The following INPP4A variants were observed in gnomAD, a reference collection of about 807,000 sequenced individuals.
INPP4A encodes the protein inositol polyphosphate-4-phosphatase type I A, also known as inositol polyphosphate-4-phosphatase, type I, 107kD.
A neutral mutation model predicts 119.8 loss-of-function variants in INPP4A; 33 were observed. That is an observed-to-expected ratio of 0.28 (90% CI 0.21 to 0.37). The LOEUF is 0.37. INPP4A is among the 10% of genes least tolerant of loss of function. The pLI is 1.00. For missense variants in INPP4A, 956 were observed against 1,289.9 expected, an observed-to-expected ratio of 0.74 and a Z score of 3.97; for synonymous variants, 496 against 500.7, an observed-to-expected ratio of 0.99 and a Z score of 0.12.
At chr2:98,536,279 C>A (rs1249338228) in intron 7 of INPP4A, 71 bp downstream of exon 7, 14 of 930,392 alleles carry the variant, frequency 1.5e-5, no homozygotes, top group Non-Finnish European at 2.4e-5. Flanking sequence ...GGGAAAGGAC[C>A]CACTTCTTAT....
intron 1 of INPP4A, among the ~76,000 whole-genome samples, chr2:98,451,311 G>A (rs1165525093): frequency 5.3e-5 from 8 of 152,156 alleles, no homozygotes; most frequent in South Asian, 4.1e-4. Context: ...CTCACCTGGC[G>A]AGGGACTTAG....
In INPP4A at chr2:98,552,836, G is replaced by C. The variant is rs1281122001; in HGVS notation, c.1214G>C (p.Arg405Thr). 12 of 1,613,654 alleles carry C rather than the reference G, an allele frequency of 7.4e-6. No homozygotes were observed. Among genetic ancestry groups the C allele is most frequent in the Non-Finnish European group, 1.0e-5 (12 of 1,179,798 alleles). The change falls in exon 14 of 25, where the codon AGA becomes ACA. Residue 405 changes from arginine to threonine, a missense_variant. Transcript: ENST00000409851. ...ATCTACATACCCCAGGATGTTGTCA[G>C]AGCCAAGGAGATCATCGCCCAGATC... The part of the protein sequence containing the change: ...SIIYIPQDVV[R>T]AKEIIAQINT...
chr2:98,447,707 T>G (rs546345236), intron 1 of INPP4A, among the ~76,000 whole-genome samples: 1 of 152,292 alleles, frequency 6.6e-6, no homozygotes, highest in African/African-American at 2.4e-5. Context: ...AACTGCTTAA[T>G]AGTAAGTTGC....
At position 98,520,052 on chromosome 2, in the gene INPP4A, A is replaced by T; in HGVS notation, c.4A>T (p.Thr2Ser). ...GCACATCATCACCAATGACATCATG[A>T]CAGCAAGAGAGCACAGCCCTCGCCA... is the stretch of plus-strand genomic sequence containing the variant. The part of the protein sequence containing the change: M[T>S]AREHSPRHGA... Residue 2 changes from threonine (T) to serine (S), a missense_variant, in exon 3 of 25, where the codon ACA becomes TCA. Thr to Ser is a moderately conservative substitution (Grantham distance 58). Around this residue, in one of 2 missense-constraint regions of INPP4A, gnomAD observed 652 missense variants for 797.9 expected, o/e 0.82. Coordinates refer to ENST00000409851, the MANE Select transcript of INPP4A (RefSeq NM_001134225.2). The T allele has an allele frequency of 6.3e-7, 1 of 1,580,454 alleles. No individual in the cohort carries two copies. Among genetic ancestry groups the T allele is most frequent in the South Asian group, 1.2e-5 (1 of 86,470 alleles).
Position 98,467,957 on chromosome 2 carries a change from A to G in INPP4A, c.-166+22872A>G, listed in dbSNP as rs954644754. ...TGAAATGAAATGTTCTCTGGGTTCCAGATAACTTATAAATGGGCTTTTAGA... is the reference window on the plus strand; with the variant it reads ...TGAAATGAAATGTTCTCTGGGTTCCGGATAACTTATAAATGGGCTTTTAGA... On this transcript the variant is annotated intron_variant, in intron 1 of 24. Transcript: ENST00000409851. Among the ~76,000 whole-genome samples, 17 of 152,342 alleles carry G rather than the reference A, an allele frequency of 1.1e-4. No individual in the cohort carries two copies. In the East Asian group the frequency reaches 2.7e-3, roughly 24 times the overall value.
At chr2:98,484,995 TC>T (rs1679255543) in intron 1 of INPP4A, among the ~76,000 whole-genome samples, 1 of 151,238 alleles carries the variant, frequency 6.6e-6, no homozygotes, top group Non-Finnish European at 1.5e-5. Context: ...GTGGCTTCAG[TC>T]TTCCAATCAG....
At chr2:98,465,381 A>C (rs1291095822) in intron 1 of INPP4A, among the ~76,000 whole-genome samples, 1 of 152,180 alleles carries the variant, frequency 6.6e-6, no homozygotes, top group African/African-American at 2.4e-5. Flanking sequence ...TCCTGCCTTC[A>C]TATAAGGACA....
intron 1 of INPP4A, among the ~76,000 whole-genome samples, chr2:98,475,113 A>C (rs1225473828): frequency 6.6e-6 from 1 of 152,106 alleles, no homozygotes; most frequent in Non-Finnish European, 1.5e-5. Context: ...ATGTAGCATG[A>C]GTACAAATTG....
chr2:98,456,440 C>A (rs138896024), intron 1 of INPP4A, among the ~76,000 whole-genome samples: 1 of 152,108 alleles, frequency 6.6e-6, no homozygotes, highest in Non-Finnish European at 1.5e-5. Flanking sequence ...GCTCAAGCAT[C>A]CTCCTGCCTC....
At chr2:98,507,659 G>A (rs971666314) in intron 1 of INPP4A, among the ~76,000 whole-genome samples, 1 of 152,164 alleles carries the variant, frequency 6.6e-6, no homozygotes, top group Non-Finnish European at 1.5e-5. Context: ...GCTGGAGCTG[G>A]AGAGTTTCAA....
chr2:98,587,397 A>T (rs1231314375), intron 24 of INPP4A, 79 bp from the exon 25 acceptor site: 5 of 1,275,800 alleles, frequency 3.9e-6, no homozygotes, highest in Non-Finnish European at 5.3e-6. Flanking sequence ...GAAAATGATC[A>T]GTTCATTTCA....
chr2:98,455,047 T>C (rs1214014784), intron 1 of INPP4A, among the ~76,000 whole-genome samples: 2 of 152,196 alleles, frequency 1.3e-5, no homozygotes, highest in Non-Finnish European at 2.9e-5. Context: ...TGCCAAGAAA[T>C]GTCAGGATAG....
chr2:98,476,279 A>G (rs1467147063), intron 1 of INPP4A, among the ~76,000 whole-genome samples: 2 of 152,244 alleles, frequency 1.3e-5, no homozygotes, highest in Non-Finnish European at 2.9e-5. Flanking sequence ...CACACAAGCC[A>G]GTGATAGTTT....
chr2:98,529,466 A>G (rs113582258), intron 4 of INPP4A, among the ~76,000 whole-genome samples: 2,356 of 152,196 alleles, frequency 0.015, 69 homozygotes, highest in African/African-American at 0.054. Context: ...GCTGGGCGCA[A>G]TAGCTCATGC....
rs140648127 is a variant in INPP4A at position 98,461,877 on chromosome 2, A to G, written c.-166+16792A>G. Among the ~76,000 whole-genome samples the G allele has an allele frequency of 1.2e-4, 19 of 152,316 alleles. 1 individual carries two copies. In the East Asian group the frequency reaches 3.5e-3, roughly 28 times the overall value. ...GCCAGGCTGTGCTGCAGATTCTTCA[A>G]CCAGTGCTCTCTGGATGCCTGTTAG... On this transcript the variant is annotated intron_variant, in intron 1 of 24. Transcript: ENST00000409851.
chr2:98,478,053 C>G (rs1677622343), intron 1 of INPP4A, among the ~76,000 whole-genome samples: 1 of 152,238 alleles, frequency 6.6e-6, no homozygotes, highest in Non-Finnish European at 1.5e-5. Context: ...CTCCAAACTC[C>G]AGGTCTATTT....
chr2:98,483,502 G>GGTCTT (rs1238102845), intron 1 of INPP4A, among the ~76,000 whole-genome samples: 1 of 152,102 alleles, frequency 6.6e-6, no homozygotes, highest in African/African-American at 2.4e-5. Context: ...GTTCCCCCCC[G>GGTCTT]GTCTTGTCTT....
chr2:98,481,604 G>A (rs1280775185), intron 1 of INPP4A, among the ~76,000 whole-genome samples: 1 of 152,194 alleles, frequency 6.6e-6, no homozygotes. Flanking sequence ...ATATCACATT[G>A]AGCCTCAGTA....
At chr2:98,548,366 A>G (rs907241815) in intron 13 of INPP4A, among the ~76,000 whole-genome samples, 6 of 152,056 alleles carry the variant, frequency 3.9e-5, no homozygotes, top group African/African-American at 1.5e-4. Context: ...AATAGGAAGA[A>G]GACGCAGCTT....
Sources: allele counts gnomAD v4.1 joint callset (sites outside exome capture counted in the v4.1 genomes callset), GRCh38; gene constraint gnomAD v4.1.1; regional missense constraint gnomAD v4.1.1; transcripts MANE v1.5; gene names NCBI Gene and HGNC (gene_info 2026-07-23, HGNC 2026-07-21).